C12orf42: variants seen among roughly 807,000 people sequenced by gnomAD.
C12orf42 encodes the protein uncharacterized protein C12orf42.
In C12orf42, 25 loss-of-function variants were observed where a neutral mutation model predicts 21.6. The ratio of observed to expected loss-of-function variants is 1.16; its 90% CI spans 0.84 to 1.62. The LOEUF (loss-of-function observed/expected upper bound fraction) is 1.62. C12orf42 is among the 40% of genes most tolerant of loss of function. The pLI, the probability that C12orf42 is intolerant of heterozygous loss-of-function variation, is 0.00. For missense variants in C12orf42, 483 were observed against 459.3 expected, an observed-to-expected ratio of 1.05 and a Z score of -0.47; for synonymous variants, 174 against 175.0, an observed-to-expected ratio of 0.99 and a Z score of 0.05.
chr12:103,343,716 G>T (rs1486161658), intron 4 of C12orf42, among the ~76,000 whole-genome samples: 3 of 150,048 alleles, frequency 2.0e-5, no homozygotes, highest in Admixed American at 1.3e-4. Context: ...AGAGGTTGCA[G>T]TGAGCCAAGA....
At chr12:103,062,799 T>C in the C12orf42 span, among the ~76,000 whole-genome samples, 1 of 152,206 alleles carries the variant, frequency 6.6e-6, no homozygotes, top group Non-Finnish European at 1.5e-5. Context: ...TTTGGATTTT[T>C]TTTTTACATT....
the C12orf42 span, among the ~76,000 whole-genome samples, chr12:103,069,222 T>G: frequency 6.6e-6 from 1 of 151,578 alleles, no homozygotes; most frequent in African/African-American, 2.4e-5. Context: ...TTGATTTTTT[T>G]TTTGTAGATT....
the C12orf42 span, among the ~76,000 whole-genome samples, chr12:103,536,846 C>T: frequency 6.6e-6 from 1 of 152,166 alleles, no homozygotes; most frequent in Non-Finnish European, 1.5e-5. Flanking sequence ...TCCCTTACCG[C>T]CCTTAAAATT....
At chr12:103,088,707 A>G in the C12orf42 span, among the ~76,000 whole-genome samples, 1 of 152,196 alleles carries the variant, frequency 6.6e-6, no homozygotes, top group African/African-American at 2.4e-5. Context: ...AGGTCATAAA[A>G]TGTAGCTTCC....
At chr12:103,128,677 T>C in the C12orf42 span, among the ~76,000 whole-genome samples, 292 of 152,268 alleles carry the variant, frequency 1.9e-3, no homozygotes, top group Middle Eastern at 0.021. Flanking sequence ...TATAAAGTGC[T>C]AGGGACAGGG....
intron 3 of C12orf42, 145 bp from the exon 4 acceptor site, chr12:103,369,143 C>G: frequency 1.8e-6 from 1 of 554,692 alleles, no homozygotes; most frequent in Non-Finnish European, 3.3e-6. Flanking sequence ...TGAAACAATC[C>G]TGAAAACAAT....
the C12orf42 span, among the ~76,000 whole-genome samples, chr12:103,501,618 A>G: frequency 6.6e-6 from 1 of 152,184 alleles, no homozygotes; most frequent in East Asian, 1.9e-4. Context: ...TAAAGCTGTT[A>G]AATTGTCCAG....
At chr12:103,413,956 T>C (rs1802129768) in intron 2 of C12orf42, among the ~76,000 whole-genome samples, 1 of 152,194 alleles carries the variant, frequency 6.6e-6, no homozygotes, top group South Asian at 2.1e-4. Context: ...TGAATTGTGC[T>C]GCTATAAACA....
At chr12:103,370,099 CATACATGTGGCCAACA>C (rs2045056948) in intron 3 of C12orf42, among the ~76,000 whole-genome samples, 1 of 152,106 alleles carries the variant, frequency 6.6e-6, no homozygotes, top group South Asian at 2.1e-4. Flanking sequence ...CAAAATAAGA[CATACATGTGGCCAACA>C]AGCAAATGAA....
At chr12:103,180,034 A>G in the C12orf42 span, among the ~76,000 whole-genome samples, 1 of 152,112 alleles carries the variant, frequency 6.6e-6, no homozygotes, top group African/African-American at 2.4e-5. Flanking sequence ...CTCCTGGGAC[A>G]GTGGGACAGA....
the C12orf42 span, among the ~76,000 whole-genome samples, chr12:103,192,106 A>G: frequency 1.3e-5 from 2 of 152,212 alleles, no homozygotes; most frequent in African/African-American, 4.8e-5. Flanking sequence ...AACAAAGAAA[A>G]TAACAATAGT....
chr12:103,269,951 C>G lies in C12orf42; in HGVS notation n.399-98G>C, dbSNP rs1291371419. ...GAATAACACAGCCGTTTACAACCTT[C>G]CAGCTTTGTGTCTAGAACTCAGGAT... On this transcript the variant is annotated intron_variant and non_coding_transcript_variant, in intron 5 of 6. Coordinates refer to the C12orf42 transcript ENST00000546526. 2 of 152,102 alleles carry G rather than the reference C, an allele frequency of 1.3e-5. 1 individual carries two copies. Among genetic ancestry groups the G allele is most frequent in the African/African-American group, 4.8e-5 (2 of 41,418 alleles). The allele number at this position is 152,102 out of a possible 1,614,324, so 9.4% of individuals were successfully genotyped here.
chr12:103,073,346 T>C, the C12orf42 span, among the ~76,000 whole-genome samples: 2 of 152,032 alleles, frequency 1.3e-5, no homozygotes, highest in Non-Finnish European at 2.9e-5. Flanking sequence ...TTACAAATAA[T>C]AGAAGAAAAG....
rs147018279 is a variant in C12orf42, at chr12:103,390,861, C to T, written c.147+10746G>A. 5.6e-3 allele frequency among the ~76,000 whole-genome samples: 850 copies of T among 152,266 alleles called. 9 individuals are homozygous for T. Among genetic ancestry groups the T allele is most frequent in the African/African-American group, 0.02 (820 of 41,558 alleles). On this transcript the variant is annotated intron_variant, in intron 3 of 5. Transcript: ENST00000548883. ...CATACAATAAACAATTTAGATGATGCCCACCCCCATTGATAAGGACAGATG... is the reference window on the plus strand; with the variant it reads ...CATACAATAAACAATTTAGATGATGTCCACCCCCATTGATAAGGACAGATG...
At chr12:103,549,853 G>A in the C12orf42 span, among the ~76,000 whole-genome samples, 2 of 152,172 alleles carry the variant, frequency 1.3e-5, no homozygotes, top group Non-Finnish European at 2.9e-5. Context: ...GATGGCTGAC[G>A]AGGCCCTAAC....
the C12orf42 span, among the ~76,000 whole-genome samples, chr12:103,522,600 T>C: frequency 1.3e-4 from 20 of 152,262 alleles, no homozygotes; most frequent in African/African-American, 4.8e-4. Context: ...CATTGGGATA[T>C]GGGAGCTGAT....
intron 4 of C12orf42, among the ~76,000 whole-genome samples, chr12:103,345,266 T>C (rs78052370): frequency 2.6e-5 from 4 of 152,204 alleles, no homozygotes; most frequent in South Asian, 2.1e-4. Context: ...TCTCTATGTA[T>C]GTTTTCTCTT....
chr12:103,095,226 C>T, the C12orf42 span, among the ~76,000 whole-genome samples: 18 of 152,136 alleles, frequency 1.2e-4, no homozygotes, highest in African/African-American at 4.1e-4. Flanking sequence ...CATGTCATAC[C>T]CTCATTGGAA....
At chr12:103,385,745 C>G (rs1395291882) in intron 3 of C12orf42, among the ~76,000 whole-genome samples, 1 of 152,080 alleles carries the variant, frequency 6.6e-6, no homozygotes, top group East Asian at 1.9e-4. Context: ...AAATTTGACC[C>G]AAGTTTAATT....
Sources: allele counts gnomAD v4.1 joint callset (sites outside exome capture counted in the v4.1 genomes callset), GRCh38; gene constraint gnomAD v4.1.1; transcripts MANE v1.5; gene names NCBI Gene and HGNC (gene_info 2026-07-23, HGNC 2026-07-21).